The following TTC17 variants were observed in gnomAD, a reference collection of about 807,000 sequenced individuals.
TTC17 encodes tetratricopeptide repeat domain 17.
A neutral mutation model predicts 143.8 loss-of-function variants in TTC17; 58 were observed. The ratio of observed to expected loss-of-function variants is 0.40; its 90% CI spans 0.33 to 0.50. The LOEUF is 0.50. Ranked by LOEUF, TTC17 falls within the 20% of genes least tolerant of loss-of-function variation. The pLI is 0.49. For synonymous variants in TTC17, 501 were observed against 497.8 expected (o/e 1.01, Z -0.09); for missense variants, 1,273 against 1,392.5 (o/e 0.91, Z 1.37).
chr11:43,435,280 T>C (rs574722884), intron 16 of TTC17: 1 of 152,338 alleles, frequency 6.6e-6, no homozygotes, highest in East Asian at 1.9e-4. Context: ...AAATGCATTT[T>C]CATTGACAAT....
intron 21 of TTC17, among the ~76,000 whole-genome samples, chr11:43,460,736 G>C (rs1355171368): frequency 6.6e-6 from 1 of 152,174 alleles, no homozygotes; most frequent in Non-Finnish European, 1.5e-5. Flanking sequence ...CACCAAAGAT[G>C]GCTTTACTCA....
intron 2 of TTC17, among the ~76,000 whole-genome samples, chr11:43,383,431 A>G (rs1170045505): frequency 2.0e-5 from 3 of 151,924 alleles, no homozygotes; most frequent in African/African-American, 7.3e-5. Context: ...AGCTCACTGC[A>G]GCCTCCGCCT....
Position 43,358,960 on chromosome 11 carries a change from G to A in TTC17, c.6G>A (p.Ala2=). Residue 2 remains alanine (A), a synonymous_variant, in exon 1 of 24, where the codon GCG becomes GCA. Transcript: ENST00000039989. The stretch of plus-strand genomic sequence containing the variant: ...GGCCCGGCCGGGGGGGCAAGATGGC[G>A]GCGGCAGTAGGGGTTCGTGGCCGGT... M[A]AAVGVRGRYE... 6.4e-7 allele frequency: 1 copy of A among 1,572,884 alleles called. No homozygotes were observed. The highest frequency in any genetic ancestry group is 1.8e-5 in the Admixed American group (1 of 55,374).
intron 2 of TTC17, among the ~76,000 whole-genome samples, chr11:43,386,989 T>TG (rs1368741268): frequency 6.6e-6 from 1 of 152,044 alleles, no homozygotes; most frequent in African/African-American, 2.4e-5. Flanking sequence ...CTCGCAGTAT[T>TG]GCCAGGCTGG....
At chr11:43,367,695 G>A (rs1049297535) in intron 1 of TTC17, among the ~76,000 whole-genome samples, 1 of 150,540 alleles carries the variant, frequency 6.6e-6, no homozygotes, top group African/African-American at 2.5e-5. Context: ...GATAGCAGAA[G>A]TGAAAACAAG....
chr11:43,461,466 C>G (rs1191177756), intron 21 of TTC17, among the ~76,000 whole-genome samples: 1 of 150,656 alleles, frequency 6.6e-6, no homozygotes, highest in Non-Finnish European at 1.5e-5. Context: ...AAGAAAACTG[C>G]AGGCTTAGAA....
chr11:43,459,311 A>C (rs950991546), intron 21 of TTC17, among the ~76,000 whole-genome samples: 5 of 152,174 alleles, frequency 3.3e-5, no homozygotes, highest in Admixed American at 6.5e-5. Flanking sequence ...ACATTTGATT[A>C]GTCTACTTTG....
chr11:43,483,273 C>T (rs1252682044), intron 21 of TTC17, among the ~76,000 whole-genome samples: 1 of 152,054 alleles, frequency 6.6e-6, no homozygotes, highest in East Asian at 1.9e-4. Flanking sequence ...AATACCTCAT[C>T]CTAATATAAA....
intron 16 of TTC17, among the ~76,000 whole-genome samples, chr11:43,429,515 T>C (rs950799701): frequency 6.6e-6 from 1 of 152,192 alleles, no homozygotes; most frequent in Non-Finnish European, 1.5e-5. Context: ...TTTAAGTAAT[T>C]TTGTATAACA....
intron 15 of TTC17, among the ~76,000 whole-genome samples, chr11:43,411,629 T>C (rs888475321): frequency 6.6e-6 from 1 of 152,228 alleles, no homozygotes; most frequent in Non-Finnish European, 1.5e-5. Context: ...GTTCAAGGGA[T>C]GAAGTTCAAC....
chr11:43,475,741 A>G (rs567254739), intron 21 of TTC17, among the ~76,000 whole-genome samples: 3 of 152,344 alleles, frequency 2.0e-5, no homozygotes, highest in South Asian at 2.1e-4. Context: ...GTGCTCAAAA[A>G]GTTTGGGATT....
chr11:43,439,355 A>C (rs536129186), intron 16 of TTC17, among the ~76,000 whole-genome samples: 2 of 152,134 alleles, frequency 1.3e-5, no homozygotes, highest in Non-Finnish European at 2.9e-5. Context: ...GATATCTCTT[A>C]AAGTGAGGTG....
At chr11:43,369,162 T>A (rs568675812) in intron 1 of TTC17, among the ~76,000 whole-genome samples, 2 of 152,376 alleles carry the variant, frequency 1.3e-5, no homozygotes, top group East Asian at 3.9e-4. Context: ...ATGTTATTTG[T>A]ATATGCCCTG....
chr11:43,384,446 G>A (rs55662909), intron 2 of TTC17, among the ~76,000 whole-genome samples: 14,084 of 152,158 alleles, frequency 0.093, 2,196 homozygotes, highest in African/African-American at 0.32. Context: ...GCTTGAGCCC[G>A]GGAGTTCGAG....
At chr11:43,488,404 G>T (rs1948415913) in intron 21 of TTC17, among the ~76,000 whole-genome samples, 1 of 151,802 alleles carries the variant, frequency 6.6e-6, no homozygotes, top group Admixed American at 6.6e-5. Flanking sequence ...AAATGAAATA[G>T]ATTTTAAAAA....
At chr11:43,390,547 CAG>C (rs1857339702) in intron 3 of TTC17, among the ~76,000 whole-genome samples, 1 of 151,312 alleles carries the variant, frequency 6.6e-6, no homozygotes, top group Non-Finnish European at 1.5e-5. Flanking sequence ...ACCCAGGAGG[CAG>C]AGCTTGCAGT....
chr11:43,407,593 A>G lies in TTC17; in HGVS notation c.2064+16A>G. ...TAGCTCTGAGGTGAGGTTTTAAGGG[A>G]TTTCATAGTTCCGTATACTATGTAG... On this transcript the variant is annotated intron_variant, in intron 15 of 23. Transcript: ENST00000039989. 6.2e-7 allele frequency: 1 copy of G among 1,609,032 alleles called. No homozygotes were observed. The highest frequency in any genetic ancestry group is 8.5e-7 in the Non-Finnish European group (1 of 1,175,952).
At chr11:43,365,434 A>G (rs1466339666) in intron 1 of TTC17, among the ~76,000 whole-genome samples, 2 of 151,864 alleles carry the variant, frequency 1.3e-5, no homozygotes, top group Non-Finnish European at 2.9e-5. Context: ...ACACCCAGCT[A>G]ATTTTTGTAT....
chr11:43,413,681 A>G (rs181909679), intron 15 of TTC17, among the ~76,000 whole-genome samples: 1 of 152,074 alleles, frequency 6.6e-6, no homozygotes, highest in African/African-American at 2.4e-5. Flanking sequence ...AGAAATGAGG[A>G]TATCCAAATG....
Sources: allele counts gnomAD v4.1 joint callset (sites outside exome capture counted in the v4.1 genomes callset), GRCh38; gene constraint gnomAD v4.1.1; transcripts MANE v1.5; gene names NCBI Gene and HGNC (gene_info 2026-07-23, HGNC 2026-07-21).